C1QTNF7: variants seen among roughly 807,000 people sequenced by gnomAD.
The protein encoded by C1QTNF7 is complement C1q tumor necrosis factor-related protein 7.
Under a neutral mutation model 19.6 loss-of-function variants are expected in C1QTNF7, and 15 were observed. That is an observed-to-expected ratio of 0.76 (90% CI 0.51 to 1.18). The LOEUF (loss-of-function observed/expected upper bound fraction) is 1.18. Among genes scored for constraint, C1QTNF7 ranks in the 50% most tolerant of loss-of-function variants. The pLI is 0.00. For synonymous variants in C1QTNF7, 142 were observed against 137.5 expected (o/e 1.03, Z -0.23); for missense variants, 324 against 359.7 (o/e 0.90, Z 0.80).
chr4:15,434,135 A>G (rs1712435034), intron 1 of C1QTNF7, among the ~76,000 whole-genome samples: 1 of 150,924 alleles, frequency 6.6e-6, no homozygotes, highest in African/African-American at 2.4e-5. Context: ...AAAAATGTCT[A>G]CCAGACAGGG....
chr4:15,396,247 T>C (rs1861045), intron 1 of C1QTNF7, among the ~76,000 whole-genome samples: 16,377 of 152,056 alleles, frequency 0.11, 1,443 homozygotes, highest in African/African-American at 0.21. Flanking sequence ...CTGCTCCAAA[T>C]TCCCACCAAG....
At chr4:15,373,421 G>A (rs1056877603) in intron 1 of C1QTNF7, among the ~76,000 whole-genome samples, 3 of 152,146 alleles carry the variant, frequency 2.0e-5, no homozygotes, top group Non-Finnish European at 2.9e-5. Flanking sequence ...GAATTTGTGG[G>A]GAAACACGTA....
At chr4:15,378,021 A>C (rs974453400) in intron 1 of C1QTNF7, among the ~76,000 whole-genome samples, 1 of 152,232 alleles carries the variant, frequency 6.6e-6, no homozygotes, top group Non-Finnish European at 1.5e-5. Flanking sequence ...TGCACTTTAC[A>C]GGAGACAAAC....
chr4:15,413,843 C>T (rs1459320372), intron 1 of C1QTNF7, among the ~76,000 whole-genome samples: 1 of 152,204 alleles, frequency 6.6e-6, no homozygotes, highest in East Asian at 1.9e-4. Context: ...TACTCAGCCC[C>T]TACAAAGAGG....
chr4:15,418,836 G>A (rs780374169), intron 1 of C1QTNF7, among the ~76,000 whole-genome samples: 10 of 152,210 alleles, frequency 6.6e-5, no homozygotes, highest in Admixed American at 2.0e-4. Context: ...CTGAGTTGGT[G>A]TATGCAGAGC....
intron 1 of C1QTNF7, among the ~76,000 whole-genome samples, chr4:15,398,507 A>G (rs184774478): frequency 2.0e-5 from 3 of 152,262 alleles, no homozygotes; most frequent in East Asian, 3.9e-4. Context: ...ACACTTCAGC[A>G]TATCTCTTCT....
intron 1 of C1QTNF7, among the ~76,000 whole-genome samples, chr4:15,344,288 G>C (rs536887099): frequency 1.2e-3 from 184 of 152,324 alleles, no homozygotes; most frequent in African/African-American, 4.2e-3. Flanking sequence ...AAACAAGAAA[G>C]TAACGTGATG....
intron 1 of C1QTNF7, among the ~76,000 whole-genome samples, chr4:15,352,364 G>T (rs2109289613): frequency 6.6e-6 from 1 of 152,224 alleles, no homozygotes; most frequent in Non-Finnish European, 1.5e-5. Context: ...GCAAAACCAG[G>T]ATTCAAGCCT....
At chr4:15,434,664 A>C (rs1395282707) in intron 1 of C1QTNF7, among the ~76,000 whole-genome samples, 4 of 152,078 alleles carry the variant, frequency 2.6e-5, no homozygotes, top group Non-Finnish European at 4.4e-5. Flanking sequence ...AATCTATACC[A>C]CTCTCCATCT....
At chr4:15,392,094 G>A (rs946108220) in intron 1 of C1QTNF7, among the ~76,000 whole-genome samples, 1 of 152,162 alleles carries the variant, frequency 6.6e-6, no homozygotes, top group East Asian at 1.9e-4. Flanking sequence ...GAATGAATTT[G>A]TTAGAGAATG....
intron 1 of C1QTNF7, among the ~76,000 whole-genome samples, chr4:15,416,902 C>A (rs1365299914): frequency 2.0e-5 from 3 of 152,196 alleles, no homozygotes; most frequent in Non-Finnish European, 2.9e-5. Context: ...CAGCCAACAG[C>A]CAACACTACC....
chr4:15,361,355 T>C (rs1257299216), intron 1 of C1QTNF7: 1 of 152,058 alleles, frequency 6.6e-6, no homozygotes, highest in Admixed American at 6.6e-5. Flanking sequence ...AAGAAACAGT[T>C]ACTCTGAAGG....
chr4:15,367,287 G>A (rs1015325277), intron 1 of C1QTNF7, among the ~76,000 whole-genome samples: 3 of 152,040 alleles, frequency 2.0e-5, no homozygotes, highest in African/African-American at 7.2e-5. Flanking sequence ...CCTTTATTAG[G>A]TGCTAAAGTT....
Position 15,397,991 on chromosome 4 carries a change from T to C in C1QTNF7, c.14-37745T>C, listed in dbSNP as rs1171829202. On this transcript the variant is annotated intron_variant, in intron 1 of 2. Transcript: ENST00000295297. ...ACCTCCCCTCCTCCTGTAGAGTCCT[T>C]CCTAAACCAGACCCACAAAGGAACG... is the stretch of plus-strand genomic sequence containing the variant. Among the ~76,000 whole-genome samples, 5 of 152,224 alleles carry C rather than the reference T, an allele frequency of 3.3e-5. No individual in the cohort carries two copies. In the East Asian group the frequency reaches 9.6e-4, roughly 29 times the overall value.
At chr4:15,407,903 T>G (rs1381894020) in intron 1 of C1QTNF7, among the ~76,000 whole-genome samples, 1 of 151,516 alleles carries the variant, frequency 6.6e-6, no homozygotes, top group Non-Finnish European at 1.5e-5. Flanking sequence ...CCAGCCTGGG[T>G]GACAAGAGCG....
At chr4:15,393,651 T>C (rs897385512) in intron 1 of C1QTNF7, among the ~76,000 whole-genome samples, 8 of 152,210 alleles carry the variant, frequency 5.3e-5, no homozygotes, top group African/African-American at 1.9e-4. Flanking sequence ...GTAGCTTCCT[T>C]GCTGTGTGAC....
At chr4:15,374,900 A>C (rs1717875212) in intron 1 of C1QTNF7, 1 of 379,626 alleles carries the variant, frequency 2.6e-6, no homozygotes. Context: ...AGGGGTGTTT[A>C]CCGACTGGGG....
chr4:15,380,446 C>T (rs945662516), intron 1 of C1QTNF7, among the ~76,000 whole-genome samples: 3 of 152,154 alleles, frequency 2.0e-5, no homozygotes, highest in Non-Finnish European at 2.9e-5. Context: ...CTCCAGGTAT[C>T]GAGTTCATAT....
Position 15,436,549 on chromosome 4 carries a change from C to T in C1QTNF7, c.238+568C>T, listed in dbSNP as rs534737566. On this transcript the variant is annotated intron_variant, in intron 2 of 2. Coordinates refer to ENST00000444304, the MANE Select transcript of C1QTNF7 (RefSeq NM_031911.5). ...ATGAAGTGACAATAGCACTGTAAAG[C>T]CTACCTTTCCTAGCTCATCACTTTC... Among the ~76,000 whole-genome samples the T allele has an allele frequency of 3.9e-5, 6 of 152,328 alleles. No individual in the cohort carries two copies. In the South Asian group the frequency reaches 1.2e-3, roughly 32 times the overall value.
Sources: gnomAD v4.1 joint callset for allele counts (sites outside exome capture counted in the v4.1 genomes callset) on GRCh38, gnomAD v4.1.1 for gene constraint, MANE v1.5 for transcripts, NCBI Gene and HGNC (gene_info 2026-07-23, HGNC 2026-07-21) for gene names.